The following IFT122 variants were observed in gnomAD, a reference collection of about 807,000 sequenced individuals.
IFT122 encodes the protein intraflagellar transport 122, also known as intraflagellar transport protein 122 homolog.
In IFT122, 118 loss-of-function variants were observed where a neutral mutation model predicts 161.6. That is an observed-to-expected ratio of 0.73 (90% CI 0.63 to 0.85). The LOEUF (loss-of-function observed/expected upper bound fraction) is 0.85. Among genes scored for constraint, IFT122 ranks in the 40% least tolerant of loss-of-function variants. The pLI, the probability that IFT122 is intolerant of heterozygous loss-of-function variation, is 0.00. For synonymous variants in IFT122, 550 were observed against 602.4 expected (o/e 0.91, Z 1.27); for missense variants, 1,381 against 1,579.6 (o/e 0.87, Z 2.13).
chr3:129,448,697 A>ATTT (rs112077688), intron 1 of IFT122, among the ~76,000 whole-genome samples: 1 of 145,960 alleles, frequency 6.9e-6, no homozygotes. Context: ...TTATTTATTT[A>ATTT]TTTTTTTTTT....
At chr3:129,464,396 G>C (rs2076496021) in intron 6 of IFT122, among the ~76,000 whole-genome samples, 1 of 152,184 alleles carries the variant, frequency 6.6e-6, no homozygotes, top group Admixed American at 6.5e-5. Flanking sequence ...CAGAGGGCTG[G>C]GGGAGCTCAG....
At chr3:129,481,790 A>T in intron 14 of IFT122, 96 bp downstream of exon 14, 4 of 1,398,852 alleles carry the variant, frequency 2.9e-6, no homozygotes, top group Non-Finnish European at 3.0e-6. Context: ...GCTCTGGCCC[A>T]GGCAGGTCTC....
At chr3:129,474,979 C>T (rs2077741417) in intron 9 of IFT122, among the ~76,000 whole-genome samples, 1 of 151,994 alleles carries the variant, frequency 6.6e-6, no homozygotes, top group East Asian at 1.9e-4. Context: ...ACAGTGGGAC[C>T]CCACCTCTAA....
intron 15 of IFT122, chr3:129,487,748 C>T: frequency 5.0e-6 from 1 of 200,720 alleles, no homozygotes; most frequent in Non-Finnish European, 9.5e-6. Context: ...TACAACCCAC[C>T]ACTGCCCACG....
chr3:129,440,400 A>T (rs373040525), intron 1 of IFT122, 29 bp downstream of exon 1: 1 of 1,549,360 alleles, frequency 6.5e-7, no homozygotes, highest in African/African-American at 1.4e-5. Context: ...CGCGAAGAGC[A>T]GGAGGTCGAG....
At chr3:129,459,683 T>TCC (rs2075987155) in intron 4 of IFT122, among the ~76,000 whole-genome samples, 7 of 20,136 alleles carry the variant, frequency 3.5e-4, no homozygotes, top group South Asian at 3.1e-3. Context: ...CCTCCCTCCC[T>TCC]TCTTCCTTCC....
In IFT122 at chr3:129,461,265, A is replaced by G. The variant is rs755585099; in HGVS notation, c.310A>G (p.Ile104Val). Residue 104 changes from isoleucine (I) to valine (V), a missense_variant, in exon 5 of 30, where the codon ATT (isoleucine) becomes GTT (valine). This residue lies in a region of IFT122 where 134 missense variants were observed against 137.4 expected (regional missense o/e 0.98). Coordinates refer to ENST00000348417, the MANE Select transcript of IFT122 (RefSeq NM_052989.3). Reference protein sequence around the residue: ...DAIQCVSYNPITHQLASCSSS... With the variant: ...DAIQCVSYNPVTHQLASCSSS... ...TATACAATGTGTCTCCTACAATCCT[A>G]TTACTCATCAACTGGCATCTTGTTC... 9.9e-6 allele frequency: 16 copies of G among 1,613,732 alleles called. 1 individual carries two copies. The highest frequency in any genetic ancestry group is 9.9e-5 in the South Asian group (9 of 91,068).
intron 18 of IFT122, 116 bp downstream of exon 18, chr3:129,495,723 A>C: frequency 1.6e-6 from 2 of 1,218,562 alleles, no homozygotes; most frequent in Non-Finnish European, 2.4e-6. Flanking sequence ...CAATGGTCTC[A>C]GAAAGGATGT....
At chr3:129,492,555 C>T (rs1200824848) in intron 17 of IFT122, among the ~76,000 whole-genome samples, 2 of 152,212 alleles carry the variant, frequency 1.3e-5, no homozygotes, top group Non-Finnish European at 2.9e-5. Context: ...ACCATCCTCT[C>T]AGACTCCAGT....
At chr3:129,503,223 C>T (rs926854295) in intron 20 of IFT122, among the ~76,000 whole-genome samples, 1 of 152,230 alleles carries the variant, frequency 6.6e-6, no homozygotes, top group Non-Finnish European at 1.5e-5. Context: ...GGCTCAGACA[C>T]ATGGCTGATG....
At chr3:129,506,584 A>G (rs2108582093) in intron 22 of IFT122, 35 bp downstream of exon 22, 1 of 1,614,040 alleles carries the variant, frequency 6.2e-7, no homozygotes. Flanking sequence ...TGTTTTCCCA[A>G]GCCCCACTCT....
chr3:129,479,941 C>T lies in IFT122; in HGVS notation c.1488+19C>T. 1 of 1,613,560 alleles carries T rather than the reference C, an allele frequency of 6.2e-7. No individual in the cohort carries two copies. The highest frequency in any genetic ancestry group is 8.5e-7 in the Non-Finnish European group (1 of 1,179,846). ...TGGACAGGTGAGTGCTCCCTCACGT[C>T]TCCTGTCAGGCTGATAATCTGCATG... On this transcript the variant is annotated intron_variant, in intron 13 of 29. Coordinates refer to ENST00000348417, the MANE Select transcript of IFT122 (RefSeq NM_052989.3).
chr3:129,502,723 C>T lies in IFT122; in HGVS notation c.2388C>T (p.Ile796=), dbSNP rs373738589. The part of the protein sequence containing the change: ...DHGWVDMLID[I]ARKLDKAERE... ...CTTCCCTCTCCAGGTTGATCGACAT[C>T]GCCCGCAAACTGGACAAGGCTGAGC... The change falls in exon 20 of 30, where the codon ATC becomes ATT. Residue 796 remains isoleucine, a synonymous_variant. Transcript: ENST00000348417. The T allele has an allele frequency of 5.2e-5, 83 of 1,608,006 alleles. No homozygotes were observed. The highest frequency in any genetic ancestry group is 6.6e-5 in the Non-Finnish European group (78 of 1,180,008).
intron 21 of IFT122, among the ~76,000 whole-genome samples, chr3:129,505,885 G>A (rs2082137535): frequency 6.6e-6 from 1 of 152,128 alleles, no homozygotes; most frequent in South Asian, 2.1e-4. Context: ...TGGGACCTTG[G>A]GTGTGACACT....
At position 129,511,355 on chromosome 3, in the gene IFT122, A is replaced by G. The variant is rs988177652; in HGVS notation, c.2887-957A>G. Among the ~76,000 whole-genome samples, 4 of 152,210 alleles carry G rather than the reference A, an allele frequency of 2.6e-5. 1 individual carries two copies. Among genetic ancestry groups the G allele is most frequent in the East Asian group, 3.8e-4 (2 of 5,198 alleles). On this transcript the variant is annotated intron_variant, in intron 23 of 29. Transcript: ENST00000348417. ...AATTTACGTGTGAACTAAATAGAAA[A>G]TGCTAAGCTCTGAACTGAAGAAGTG...
At chr3:129,498,529 C>T (rs2081161160) in intron 18 of IFT122, among the ~76,000 whole-genome samples, 1 of 152,186 alleles carries the variant, frequency 6.6e-6, no homozygotes, top group Non-Finnish European at 1.5e-5. Flanking sequence ...AGCCAGGGGG[C>T]CTGTCTTCTA....
intron 2 of IFT122, among the ~76,000 whole-genome samples, 161 bp downstream of exon 2, chr3:129,450,098 A>G (rs1229436244): frequency 1.3e-5 from 2 of 152,150 alleles, no homozygotes; most frequent in Admixed American, 6.6e-5. Flanking sequence ...GGCTATTTAA[A>G]ACGGGCAAGT....
At position 129,502,789 on chromosome 3, in the gene IFT122, G is replaced by A. The variant is rs535962927; in HGVS notation, c.2454G>A (p.Leu818=). The A allele has an allele frequency of 1.1e-5, 17 of 1,613,110 alleles. No homozygotes were observed. The African/African-American group carries it at 1.1e-4, about 10-fold the overall frequency. The change falls in exon 20 of 30, where the codon CTG becomes CTA. Residue 818 remains leucine (L), a synonymous_variant. Coordinates refer to ENST00000348417, the MANE Select transcript of IFT122 (RefSeq NM_052989.3). ...LLLCATYLKK[L]DSPGYAAETY... ...TGTGCGCTACCTACCTCAAGAAGCT[G>A]GACAGCCCTGGCTATGCTGCTGAGA...
intron 25 of IFT122, 134 bp downstream of exon 25, chr3:129,514,688 G>C: frequency 2.0e-6 from 2 of 1,005,126 alleles, no homozygotes; most frequent in Non-Finnish European, 3.1e-6. Context: ...CCCTGCTCAA[G>C]CCTGGCCATG....
Sources: gnomAD v4.1 joint callset for allele counts (sites outside exome capture counted in the v4.1 genomes callset) on GRCh38, gnomAD v4.1.1 for gene constraint, gnomAD v4.1.1 regional missense constraint, MANE v1.5 for transcripts, NCBI Gene and HGNC (gene_info 2026-07-23, HGNC 2026-07-21) for gene names.